Variants in CDCA2 observed in about 807,000 individuals in gnomAD.
The protein encoded by CDCA2 is cell division cycle associated 2.
A neutral mutation model predicts 67.0 loss-of-function variants in CDCA2; 44 were observed. The ratio of observed to expected loss-of-function variants is 0.66; its 90% CI spans 0.52 to 0.84. The LOEUF is 0.84. CDCA2 is among the 40% of genes least tolerant of loss of function. The probability of loss-of-function intolerance (pLI) is 0.00; values close to 1 mark genes in which losing one functional copy is unlikely to be tolerated. For synonymous variants in CDCA2, 447 were observed against 418.7 expected (o/e 1.07, Z -0.82); for missense variants, 1,253 against 1,203.2 (o/e 1.04, Z -0.61).
chr8:25,507,883 T>A lies in CDCA2; in HGVS notation c.*145T>A. ...CATTTGAGTTGAACCTACTTTTATG[T>A]AGAAATAAATAAGTTTCTTCATCAT... is the stretch of plus-strand genomic sequence containing the variant. On this transcript the variant is annotated 3_prime_UTR_variant, in exon 15 of 15. Transcript: ENST00000330560. 1.5e-6 allele frequency: 1 copy of A among 646,004 alleles called. No homozygotes were observed. The highest frequency in any genetic ancestry group is 2.3e-6 in the Non-Finnish European group (1 of 429,662). The allele number at this position is 646,004 out of a possible 1,614,324, so 40.0% of individuals were successfully genotyped here. A position where few individuals can be genotyped will look rare whatever the true frequency, so the allele number is the denominator to read the frequency against.
Position 25,507,554 on chromosome 8 carries a change from CT to C in CDCA2, c.2889del (p.Ala964LeufsTer46). On this transcript the variant is annotated frameshift_variant, in exon 15 of 15. Coordinates refer to ENST00000330560, the MANE Select transcript of CDCA2 (RefSeq NM_152562.4). LOFTEE classifies it low-confidence loss of function (END_TRUNC). ...PVSDPENSQG[P>X]AAGSSDEPGK... ...TCAGATCCAGAAAACAGCCAGGGCC[CT>C]GCTGCTGGTTCTTCCGATGAACCTG... 6.2e-7 allele frequency: 1 copy of C among 1,614,186 alleles called. No individual in the cohort carries two copies. Among genetic ancestry groups the C allele is most frequent in the Non-Finnish European group, 8.5e-7 (1 of 1,180,026 alleles).
intron 12 of CDCA2, among the ~76,000 whole-genome samples, chr8:25,488,124 T>C (rs1367300412): frequency 6.6e-6 from 1 of 152,196 alleles, no homozygotes; most frequent in Non-Finnish European, 1.5e-5. Flanking sequence ...TCATAAAGTA[T>C]AAACATATAC....
At chr8:25,485,052 C>A (rs1489042242) in intron 10 of CDCA2, among the ~76,000 whole-genome samples, 1 of 152,138 alleles carries the variant, frequency 6.6e-6, no homozygotes, top group East Asian at 1.9e-4. Context: ...TCAGTGTAAT[C>A]TGCCTTGTTA....
chr8:25,464,324 G>A (rs1432699776), intron 4 of CDCA2, among the ~76,000 whole-genome samples: 10 of 152,196 alleles, frequency 6.6e-5, no homozygotes, highest in African/African-American at 2.2e-4. Flanking sequence ...GCTGAAGTTG[G>A]AGGATCGTTT....
At chr8:25,470,642 A>G (rs10109528) in intron 7 of CDCA2, among the ~76,000 whole-genome samples, 82,832 of 152,130 alleles carry the variant, frequency 0.54, 24,166 homozygotes, top group Middle Eastern at 0.66. Context: ...TACAAACTCT[A>G]CAGATCAATT....
chr8:25,489,770 T>G (rs974715572), intron 13 of CDCA2, among the ~76,000 whole-genome samples: 19 of 152,236 alleles, frequency 1.2e-4, no homozygotes, highest in African/African-American at 4.3e-4. Context: ...TTTTCCAGAA[T>G]TCTCTTCTTT....
chr8:25,498,453 A>ACC (rs60633246), intron 13 of CDCA2, among the ~76,000 whole-genome samples: 5,323 of 76,052 alleles, frequency 0.07, 223 homozygotes, highest in East Asian at 0.18. Context: ...GGTAATCTGC[A>ACC]CCCCCCCCCC....
At chr8:25,473,466 A>T (rs1054639782) in intron 7 of CDCA2, among the ~76,000 whole-genome samples, 1 of 152,180 alleles carries the variant, frequency 6.6e-6, no homozygotes, top group Non-Finnish European at 1.5e-5. Flanking sequence ...CGTTTATTAA[A>T]ATAGGCAGTA....
At chr8:25,478,945 C>G (rs745826277) in intron 7 of CDCA2, among the ~76,000 whole-genome samples, 1 of 148,686 alleles carries the variant, frequency 6.7e-6, no homozygotes, top group African/African-American at 2.5e-5. Flanking sequence ...TATAAATTTG[C>G]TATCTAGTTG....
intron 13 of CDCA2, among the ~76,000 whole-genome samples, chr8:25,502,106 AG>A (rs1365001313): frequency 6.6e-6 from 1 of 152,102 alleles, no homozygotes; most frequent in African/African-American, 2.4e-5. Flanking sequence ...CATGTTGGCC[AG>A]GATGGTCTCG....
intron 13 of CDCA2, among the ~76,000 whole-genome samples, chr8:25,490,170 C>A (rs1440704246): frequency 6.6e-6 from 1 of 152,020 alleles, no homozygotes; most frequent in African/African-American, 2.4e-5. Context: ...AATATACATA[C>A]AACTTATTAC....
At chr8:25,472,677 G>A (rs1803203603) in intron 7 of CDCA2, among the ~76,000 whole-genome samples, 1 of 152,044 alleles carries the variant, frequency 6.6e-6, no homozygotes, top group Non-Finnish European at 1.5e-5. Context: ...TAATTTTATA[G>A]TGTGTCATGT....
intron 13 of CDCA2, among the ~76,000 whole-genome samples, chr8:25,495,580 A>AATTTTTT (rs1157322960): frequency 2.0e-5 from 3 of 151,944 alleles, no homozygotes; most frequent in African/African-American, 4.8e-5. Context: ...ACGCCCGGCT[A>AATTTTTT]ATTTTTTATT....
At chr8:25,482,385 A>T (rs145866536) in intron 8 of CDCA2, among the ~76,000 whole-genome samples, 358 of 152,272 alleles carry the variant, frequency 2.4e-3, no homozygotes, top group African/African-American at 8.0e-3. Context: ...GATCATTTAC[A>T]TAGTTTTCCT....
intron 7 of CDCA2, among the ~76,000 whole-genome samples, chr8:25,478,931 T>C (rs1418414159): frequency 6.7e-6 from 1 of 150,102 alleles, no homozygotes; most frequent in Non-Finnish European, 1.5e-5. Context: ...TTACTTGAAA[T>C]AACTATAAAT....
chr8:25,506,888 C>G lies in CDCA2; in HGVS notation c.2222C>G (p.Ala741Gly). 1 of 1,611,712 alleles carries G rather than the reference C, an allele frequency of 6.2e-7. No individual in the cohort carries two copies. Among genetic ancestry groups the G allele is most frequent in the Non-Finnish European group, 8.5e-7 (1 of 1,178,808 alleles). The change falls in exon 15 of 15, where the codon GCT (alanine) becomes GGT (glycine). Residue 741 changes from alanine (A) to glycine (G), a missense_variant. Physicochemically the swap from Ala to Gly is moderately conservative, Grantham distance 60. Transcript: ENST00000330560. ...LTLQQGQEFS[A>G]GGQNAENLCQ... is the part of the protein sequence containing the mutation. The stretch of plus-strand genomic sequence containing the variant: ...CTGCAGCAGGGTCAAGAATTTTCTG[C>G]TGGTGGTCAAAATGCAGAAAACCTT...
intron 13 of CDCA2, among the ~76,000 whole-genome samples, chr8:25,491,899 G>A (rs1187076170): frequency 6.6e-6 from 1 of 152,098 alleles, no homozygotes; most frequent in Non-Finnish European, 1.5e-5. Context: ...CTGGGTTCAA[G>A]CAATTCTCCT....
chr8:25,465,584 A>G (rs1027833820), intron 4 of CDCA2, among the ~76,000 whole-genome samples: 1 of 151,838 alleles, frequency 6.6e-6, no homozygotes, highest in Admixed American at 6.6e-5. Context: ...CAAACTTTGT[A>G]TTTTAAGAGA....
At chr8:25,485,218 A>C (rs928626515) in intron 10 of CDCA2, among the ~76,000 whole-genome samples, 5 of 149,768 alleles carry the variant, frequency 3.3e-5, no homozygotes, top group South Asian at 2.1e-4. Context: ...ATAAAGAAAA[A>C]GCATTTAACA....
Sources: gnomAD v4.1 joint callset for allele counts (sites outside exome capture counted in the v4.1 genomes callset) on GRCh38, gnomAD v4.1.1 for gene constraint, MANE v1.5 for transcripts, NCBI Gene and HGNC (gene_info 2026-07-23, HGNC 2026-07-21) for gene names.